The following EXOC6B variants were observed in gnomAD, a reference collection of about 807,000 sequenced individuals.
EXOC6B encodes exocyst complex component 6B.
EXOC6B carries 54 observed loss-of-function variants against 113.5 expected under a neutral mutation model. That is an observed-to-expected ratio of 0.48 (90% CI 0.38 to 0.60). The LOEUF is 0.60. Ranked by LOEUF, EXOC6B falls within the 20% of genes least tolerant of loss-of-function variation. The probability of loss-of-function intolerance (pLI) is 0.00; values close to 1 mark genes in which losing one functional copy is unlikely to be tolerated. For missense variants in EXOC6B, 797 were observed against 977.5 expected (o/e 0.82, Z 2.46); for synonymous variants, 357 against 339.0 (o/e 1.05, Z -0.58).
rs1686862636 is a variant in EXOC6B at position 72,825,716 on chromosome 2, C to T, written c.113+82G>A. Reference sequence around the variant, plus strand: ...GAGGGGCCGGCGCCGGACCTGGGGACAGCCGGCCGGAGGCCCGACCCAGAG... The same window carrying T: ...GAGGGGCCGGCGCCGGACCTGGGGATAGCCGGCCGGAGGCCCGACCCAGAG... On this transcript the variant is annotated intron_variant, in intron 1 of 21. Transcript: ENST00000272427. The surrounding 1 kb of genome is among the most constrained non-coding windows in gnomAD (Gnocchi z 4.4). The T allele has an allele frequency of 4.2e-6, 6 of 1,420,364 alleles. No individual in the cohort carries two copies. The highest frequency in any genetic ancestry group is 2.6e-4 in the Middle Eastern group (1 of 3,846). 88.0% of individuals were successfully genotyped at this position (1,420,364 alleles called of 1,614,324 possible).
intron 17 of EXOC6B, among the ~76,000 whole-genome samples, chr2:72,480,139 G>T (rs1287188525): frequency 1.3e-5 from 2 of 152,006 alleles, no homozygotes; most frequent in Non-Finnish European, 2.9e-5. Context: ...AGGAGACAGG[G>T]GTTGCGGTGA....
chr2:72,193,442 A>G (rs1678977733), intron 20 of EXOC6B, among the ~76,000 whole-genome samples: 1 of 152,154 alleles, frequency 6.6e-6, no homozygotes, highest in South Asian at 2.1e-4. Context: ...TGACACAGAA[A>G]TCTGGGCAAA....
At chr2:72,409,530 T>C (rs1030062963) in intron 18 of EXOC6B, among the ~76,000 whole-genome samples, 5 of 152,162 alleles carry the variant, frequency 3.3e-5, no homozygotes, top group African/African-American at 1.2e-4. Flanking sequence ...TGGAATACTA[T>C]GCAGCCATAA....
chr2:72,823,459 G>GAAAAAAAATAAAA (rs1686693934), intron 1 of EXOC6B, among the ~76,000 whole-genome samples: 1 of 70,030 alleles, frequency 1.4e-5, no homozygotes, highest in Non-Finnish European at 2.3e-5. Context: ...AAAGTTTTAA[G>GAAAAAAAATAAAA]AAAAAAAAAA....
intron 20 of EXOC6B, among the ~76,000 whole-genome samples, chr2:72,265,519 T>C (rs940262120): frequency 9.2e-5 from 14 of 151,864 alleles, no homozygotes; most frequent in African/African-American, 3.4e-4. Flanking sequence ...TTTTTTGTCC[T>C]TGCGATAGTT....
chr2:72,255,907 G>C (rs1455834315), intron 20 of EXOC6B, among the ~76,000 whole-genome samples: 1 of 152,160 alleles, frequency 6.6e-6, no homozygotes, highest in Non-Finnish European at 1.5e-5. Context: ...ACTACATTTG[G>C]TTGGATGGTG....
intron 18 of EXOC6B, among the ~76,000 whole-genome samples, chr2:72,403,895 C>T (rs118084228): frequency 6.6e-6 from 1 of 152,048 alleles, no homozygotes; most frequent in Non-Finnish European, 1.5e-5. Context: ...CGAGCATGAC[C>T]CGAAGCAGGG....
rs569668803 is a variant in EXOC6B, at chr2:72,287,606, A to T, written c.2196+47341T>A. 2.6e-5 allele frequency among the ~76,000 whole-genome samples: 4 copies of T among 152,100 alleles called. No homozygotes were observed. The South Asian group carries it at 8.3e-4, about 32-fold the overall frequency. The stretch of plus-strand genomic sequence containing the variant: ...CACAAATAACCAATAGTAGGAATGA[A>T]AAAGGGTATATAACTGCAGATCCTA... On this transcript the variant is annotated intron_variant, in intron 20 of 21. Coordinates refer to ENST00000272427, the MANE Select transcript of EXOC6B (RefSeq NM_015189.3).
intron 1 of EXOC6B, among the ~76,000 whole-genome samples, chr2:72,812,373 A>G (rs1291520750): frequency 1.3e-5 from 2 of 152,272 alleles, no homozygotes; most frequent in Admixed American, 1.3e-4. Flanking sequence ...GAAAGAAAGC[A>G]AAACAGATCT....
intron 20 of EXOC6B, among the ~76,000 whole-genome samples, chr2:72,253,812 A>G (rs1683172063): frequency 6.6e-6 from 1 of 152,160 alleles, no homozygotes; most frequent in Admixed American, 6.6e-5. Context: ...CAATTTACCT[A>G]CACAACAAAC....
intron 6 of EXOC6B, among the ~76,000 whole-genome samples, chr2:72,642,905 A>G (rs936720429): frequency 4.7e-5 from 7 of 148,846 alleles, no homozygotes; most frequent in Admixed American, 4.7e-4. Context: ...AATGAACTCA[A>G]ACAAATTTAC....
intron 6 of EXOC6B, among the ~76,000 whole-genome samples, chr2:72,597,918 C>T (rs982629859): frequency 4.0e-5 from 6 of 151,878 alleles, no homozygotes; most frequent in African/African-American, 1.4e-4. Context: ...ATGCACCTAA[C>T]AACAGAGCAC....
chr2:72,675,272 C>T (rs574011346), intron 6 of EXOC6B, among the ~76,000 whole-genome samples: 40 of 152,296 alleles, frequency 2.6e-4, no homozygotes, highest in African/African-American at 8.9e-4. Flanking sequence ...AAAAGCTGAA[C>T]GAGATCTCTC....
At chr2:72,531,214 G>A (rs1019093323) in intron 8 of EXOC6B, among the ~76,000 whole-genome samples, 2 of 151,872 alleles carry the variant, frequency 1.3e-5, no homozygotes, top group Admixed American at 1.3e-4. Context: ...TTTATTTGTA[G>A]TGTTTTCAAG....
rs778355151 is a variant in EXOC6B at position 72,437,283 on chromosome 2, G to A, written c.1980+27877C>T. On this transcript the variant is annotated intron_variant, in intron 18 of 21. Transcript: ENST00000272427. ...CTTCTGTTGGAAGCTTTGTCCCAGAGGGGCACCTGCCCAATGCTAGCCAGA... is the reference window on the plus strand; with the variant it reads ...CTTCTGTTGGAAGCTTTGTCCCAGAAGGGCACCTGCCCAATGCTAGCCAGA... Among the ~76,000 whole-genome samples the A allele has an allele frequency of 1.8e-4, 28 of 152,206 alleles. 1 individual carries two copies. The highest frequency in any genetic ancestry group is 7.3e-5 in the Non-Finnish European group (5 of 68,040).
chr2:72,609,779 T>C (rs1272917013), intron 6 of EXOC6B, among the ~76,000 whole-genome samples: 1 of 151,832 alleles, frequency 6.6e-6, no homozygotes, highest in African/African-American at 2.4e-5. Flanking sequence ...ACAAGAAATA[T>C]AAAAACTAAT....
chr2:72,260,817 GT>G (rs1228956873), intron 20 of EXOC6B, among the ~76,000 whole-genome samples: 1 of 152,050 alleles, frequency 6.6e-6, no homozygotes, highest in Non-Finnish European at 1.5e-5. Context: ...CAAAACCGAG[GT>G]CTTATTTTCT....
At chr2:72,336,731 G>A (rs770383294) in intron 19 of EXOC6B, among the ~76,000 whole-genome samples, 2 of 152,114 alleles carry the variant, frequency 1.3e-5, no homozygotes, top group Non-Finnish European at 2.9e-5. Flanking sequence ...TTCTGGCCAG[G>A]TGCGATGGCC....
chr2:72,209,675 AG>A (rs1559018380), intron 20 of EXOC6B, among the ~76,000 whole-genome samples: 4 of 152,334 alleles, frequency 2.6e-5, no homozygotes, highest in African/African-American at 9.6e-5. Flanking sequence ...TGCTTATAGC[AG>A]AAAAAAACAA....
Sources: gnomAD v4.1 joint callset for allele counts (sites outside exome capture counted in the v4.1 genomes callset) on GRCh38, gnomAD v4.1.1 for gene constraint, Gnocchi (gnomAD v3.1) non-coding constraint, MANE v1.5 for transcripts, NCBI Gene and HGNC (gene_info 2026-07-23, HGNC 2026-07-21) for gene names.